FANCD2: variants seen among roughly 807,000 people sequenced by gnomAD.
The protein encoded by FANCD2 is Fanconi anemia group D2 protein.
FANCD2 carries 131 observed loss-of-function variants against 192.3 expected under a neutral mutation model. The observed-to-expected ratio is 0.68, with a 90% confidence interval of 0.59 to 0.79. The LOEUF is 0.79. FANCD2 is among the 30% of genes least tolerant of loss of function. The probability of loss-of-function intolerance (pLI) is 0.00; values close to 1 mark genes in which losing one functional copy is unlikely to be tolerated. For missense variants in FANCD2, 1,508 were observed against 1,701.6 expected, an observed-to-expected ratio of 0.89 and a Z score of 2.00; for synonymous variants, 524 against 612.5, an observed-to-expected ratio of 0.86 and a Z score of 2.13.
At chr3:10,040,676 T>C in intron 9 of FANCD2, 1 of 401,930 alleles carries the variant, frequency 2.5e-6, no homozygotes, top group African/African-American at 2.1e-5. Flanking sequence ...AAAGTTTCCA[T>C]CTTAATGCAA....
Position 10,028,821 on chromosome 3 carries a change from G to C in FANCD2, c.64+100G>C, listed in dbSNP as rs1473753679. On this transcript the variant is annotated intron_variant, in intron 2 of 43. Coordinates refer to ENST00000675286, the MANE Select transcript of FANCD2 (RefSeq NM_001018115.3). ...TTTTCAAGTGCTGAGAATCTTCAAAGTGTAATGAATGGAGTGCACAGAATT... is the reference window on the plus strand; with the variant it reads ...TTTTCAAGTGCTGAGAATCTTCAAACTGTAATGAATGGAGTGCACAGAATT... 3.8e-6 allele frequency: 4 copies of C among 1,044,254 alleles called. No individual in the cohort carries two copies. The African/African-American group carries it at 6.3e-5, about 16-fold the overall frequency. The allele number at this position is 1,044,254 out of a possible 1,614,324, so 64.7% of individuals were successfully genotyped here. A position where few individuals can be genotyped will look rare whatever the true frequency, so the allele number is the denominator to read the frequency against.
chr3:10,039,413 G>A, intron 8 of FANCD2, 56 bp downstream of exon 8: 1 of 1,419,362 alleles, frequency 7.0e-7, no homozygotes, highest in Non-Finnish European at 9.9e-7. Flanking sequence ...CATATCTTTT[G>A]GAGGTTGTAT....
chr3:10,098,503 G>A (rs765312571), intron 42 of FANCD2, among the ~76,000 whole-genome samples: 5 of 152,012 alleles, frequency 3.3e-5, no homozygotes, highest in Admixed American at 1.3e-4. Flanking sequence ...TGAACCTTTC[G>A]TTACATTACT....
chr3:10,031,394 T>TC lies in FANCD2; in HGVS notation c.65-1438_65-1437insC, dbSNP rs1030000298. ...GGTGTGCACCTGTAGTCCCAGCTACTGGGAGGCTGAGGCAGGAGAATGGCA... is the reference window on the plus strand; with the variant it reads ...GGTGTGCACCTGTAGTCCCAGCTACTCGGGAGGCTGAGGCAGGAGAATGGCA... On this transcript the variant is annotated intron_variant, in intron 2 of 43. Transcript: ENST00000675286. Among the ~76,000 whole-genome samples, 23 of 150,242 alleles carry TC rather than the reference T, an allele frequency of 1.5e-4. No individual in the cohort carries two copies. The South Asian group carries it at 1.7e-3, about 11-fold the overall frequency.
chr3:10,075,407 G>A (rs1056617808), intron 29 of FANCD2, among the ~76,000 whole-genome samples: 2 of 152,078 alleles, frequency 1.3e-5, no homozygotes, highest in African/African-American at 4.8e-5. Context: ...GGATGGTCTC[G>A]ATCTCCTGAC....
intron 17 of FANCD2, among the ~76,000 whole-genome samples, chr3:10,050,157 TC>T (rs2087152748): frequency 6.6e-6 from 1 of 152,184 alleles, no homozygotes; most frequent in South Asian, 2.1e-4. Context: ...GTTGACCTAA[TC>T]TACTCAGCAT....
chr3:10,039,230 T>C (rs748111595), intron 7 of FANCD2, 49 bp from the exon 8 acceptor site: 2 of 1,390,608 alleles, frequency 1.4e-6, no homozygotes, highest in Non-Finnish European at 2.0e-6. Flanking sequence ...CTTGCTGTTA[T>C]TTTGACCAGA....
At chr3:10,040,661 G>C (rs1435826445) in intron 9 of FANCD2, 1 of 415,688 alleles carries the variant, frequency 2.4e-6, no homozygotes, top group East Asian at 7.3e-5. Flanking sequence ...ATATCCCTAG[G>C]TAATAAAGTT....
intron 30 of FANCD2, 29 bp downstream of exon 30, chr3:10,078,226 G>A (rs1242169038): frequency 7.0e-7 from 1 of 1,432,198 alleles, no homozygotes; most frequent in Non-Finnish European, 9.9e-7. Context: ...ATAGGACTTG[G>A]GCATAGTGGA....
intron 17 of FANCD2, among the ~76,000 whole-genome samples, chr3:10,050,775 C>T (rs1480291455): frequency 1.1e-4 from 17 of 151,640 alleles, no homozygotes; most frequent in Non-Finnish European, 2.4e-4. Flanking sequence ...GTAGCAAAAG[C>T]CCAGGAATGA....
At chr3:10,093,886 G>C (rs9859815) in intron 39 of FANCD2, among the ~76,000 whole-genome samples, 3,521 of 152,286 alleles carry the variant, frequency 0.023, 141 homozygotes, top group African/African-American at 0.08. Flanking sequence ...CAATGTGGGA[G>C]ATGGGCAAGT....
chr3:10,100,586 G>T (rs1420990351), intron 43 of FANCD2, among the ~76,000 whole-genome samples: 1 of 152,146 alleles, frequency 6.6e-6, no homozygotes, highest in Non-Finnish European at 1.5e-5. Flanking sequence ...TGGCCGGGCT[G>T]GTCTCGAACT....
At chr3:10,085,979 T>C (rs980259409) in intron 33 of FANCD2, 57 bp downstream of exon 33, 32 of 1,203,616 alleles carry the variant, frequency 2.7e-5, no homozygotes, top group Non-Finnish European at 2.6e-5. Flanking sequence ...AGGAACAGGA[T>C]TGGCAACTTT....
intron 1 of FANCD2, chr3:10,026,697 A>G (rs1306053654): frequency 6.6e-6 from 1 of 152,116 alleles, no homozygotes; most frequent in Non-Finnish European, 1.5e-5. Flanking sequence ...CGATGAACTA[A>G]TCCAGGCAGT....
intron 36 of FANCD2, 25 bp downstream of exon 36, chr3:10,088,975 T>C (rs1694411266): frequency 1.2e-6 from 2 of 1,613,450 alleles, no homozygotes; most frequent in Admixed American, 1.7e-5. Context: ...TCCTCCAGTT[T>C]TTCCCTTAAG....
intron 29 of FANCD2, among the ~76,000 whole-genome samples, chr3:10,076,320 A>G (rs17608820): frequency 0.021 from 3,139 of 151,630 alleles, 56 homozygotes; most frequent in Non-Finnish European, 0.033. Flanking sequence ...TGTGGCATTC[A>G]AAGTCATTTT....
At chr3:10,039,422 A>ATT in intron 8 of FANCD2, 65 bp downstream of exon 8, 4 of 1,347,002 alleles carry the variant, frequency 3.0e-6, no homozygotes, top group South Asian at 1.3e-5. Flanking sequence ...TGGAGGTTGT[A>ATT]TTTTTTTTTC....
chr3:10,096,532 A>C, intron 42 of FANCD2, 60 bp downstream of exon 42: 2 of 1,538,948 alleles, frequency 1.3e-6, no homozygotes, highest in South Asian at 2.2e-5. Context: ...ACAGCATCAG[A>C]TGGCATGTAA....
At chr3:10,035,377 G>C in intron 6 of FANCD2, 144 bp downstream of exon 6, 1 of 736,080 alleles carries the variant, frequency 1.4e-6, no homozygotes, top group Non-Finnish European at 2.5e-6. Context: ...CTGTTGCTGT[G>C]ATGGGTTTGG....
Sources: gnomAD v4.1 joint callset for allele counts (sites outside exome capture counted in the v4.1 genomes callset) on GRCh38, gnomAD v4.1.1 for gene constraint, MANE v1.5 for transcripts, NCBI Gene and HGNC (gene_info 2026-07-23, HGNC 2026-07-21) for gene names.